PRKDC: variants seen among roughly 807,000 people sequenced by gnomAD.
The protein encoded by PRKDC is DNA-dependent protein kinase catalytic subunit.
PRKDC carries 82 observed loss-of-function variants against 486.9 expected under a neutral mutation model. That is an observed-to-expected ratio of 0.17 (90% CI 0.14 to 0.20). The LOEUF is 0.20. Ranked by LOEUF, PRKDC falls within the 10% of genes least tolerant of loss-of-function variation. The pLI is 1.00. For missense variants in PRKDC, 4,504 were observed against 5,038.2 expected (o/e 0.89, Z 3.21); for synonymous variants, 1,895 against 1,837.0 (o/e 1.03, Z -0.81).
At chr8:47,904,034 C>T (rs922402937) in intron 26 of PRKDC, among the ~76,000 whole-genome samples, 1 of 152,088 alleles carries the variant, frequency 6.6e-6, no homozygotes, top group Non-Finnish European at 1.5e-5. Flanking sequence ...GAGACATAAA[C>T]TTATTTGCAC....
At chr8:47,923,908 G>A (rs569359444) in intron 21 of PRKDC, among the ~76,000 whole-genome samples, 10 of 152,138 alleles carry the variant, frequency 6.6e-5, no homozygotes, top group Non-Finnish European at 1.3e-4. Context: ...TTGGACTTGT[G>A]TCCTACAAAT....
At chr8:47,804,965 T>C (rs1292659017) in intron 69 of PRKDC, 5 of 152,206 alleles carry the variant, frequency 3.3e-5, no homozygotes, top group African/African-American at 4.8e-5. Context: ...TTTCACCGTG[T>C]TGGTCAGGCT....
chr8:47,850,934 C>T (rs983669962), intron 52 of PRKDC, among the ~76,000 whole-genome samples: 4 of 152,128 alleles, frequency 2.6e-5, no homozygotes, highest in Non-Finnish European at 4.4e-5. Context: ...TTCAGCCTCC[C>T]GAGTAGCTGG....
chr8:47,885,617 G>A (rs2089309623), intron 36 of PRKDC, among the ~76,000 whole-genome samples: 1 of 152,108 alleles, frequency 6.6e-6, no homozygotes, highest in African/African-American at 2.4e-5. Context: ...TATTGACCGG[G>A]TGCAGTGGCT....
intron 76 of PRKDC, among the ~76,000 whole-genome samples, chr8:47,786,723 CTTT>C (rs5891257): frequency 4.5e-5 from 4 of 88,250 alleles, no homozygotes; most frequent in East Asian, 4.3e-4. Flanking sequence ...ATTATTTAAT[CTTT>C]TTTTTTTTTT....
At chr8:47,809,531 C>A (rs1359361212) in intron 68 of PRKDC, among the ~76,000 whole-genome samples, 4 of 152,096 alleles carry the variant, frequency 2.6e-5, no homozygotes, top group Non-Finnish European at 4.4e-5. Flanking sequence ...AGGGTGCATG[C>A]AATTTTAGGA....
chr8:47,836,445 G>A lies in PRKDC; in HGVS notation c.7844C>T (p.Thr2615Ile), dbSNP rs779706048. 6.2e-7 allele frequency: 1 copy of A among 1,612,838 alleles called. No homozygotes were observed. Residue 2615 changes from threonine (T) to isoleucine (I), a missense_variant, in exon 58 of 86, where the codon ACT becomes ATT. Thr to Ile is a moderately conservative substitution (Grantham distance 89). This residue lies in a region of PRKDC where 1,592 missense variants were observed against 1,724.6 expected (regional missense o/e 0.92). Coordinates refer to ENST00000314191, the MANE Select transcript of PRKDC (RefSeq NM_006904.7). ...CCCTTCCTGGGTACGGGTCTGGAGA[G>A]TGCCCTGGGAGGCCTGGGTCTCCAC... is the stretch of plus-strand genomic sequence containing the variant. ...MFVETQASQG[T>I]LQTRTQEGSL...
intron 43 of PRKDC, 114 bp from the exon 44 acceptor site, chr8:47,862,241 A>G: frequency 7.4e-7 from 1 of 1,343,022 alleles, no homozygotes; most frequent in South Asian, 1.4e-5. Flanking sequence ...CCAGCTTTAA[A>G]TATACCTATG....
At chr8:47,834,857 A>G (rs1490185873) in intron 58 of PRKDC, among the ~76,000 whole-genome samples, 1 of 151,488 alleles carries the variant, frequency 6.6e-6, no homozygotes, top group Non-Finnish European at 1.5e-5. Context: ...CGCCCGGCTA[A>G]TTTTTTGTAT....
At position 47,783,800 on chromosome 8, in the gene PRKDC, T is replaced by C. The variant is rs1342960458; in HGVS notation, c.11117A>G (p.Asp3706Gly). 6.2e-7 allele frequency: 1 copy of C among 1,613,754 alleles called. No homozygotes were observed. Among genetic ancestry groups the C allele is most frequent in the Non-Finnish European group, 8.5e-7 (1 of 1,179,862 alleles). ...CTCTGGCAATGGCTTTCCCCTACCGTCATACTGACCTAAAACAAACCAGAA... is the reference window on the plus strand; with the variant it reads ...CTCTGGCAATGGCTTTCCCCTACCGCCATACTGACCTAAAACAAACCAGAA... ...RNELEIPGQY[D>G]GRGKPLPEYH... Residue 3706 changes from aspartate (D) to glycine (G), a missense_variant, in exon 78 of 86, where the codon GAC becomes GGC. Physicochemically the swap from Asp to Gly is moderately conservative, Grantham distance 94 (BLOSUM62 -1). Transcript: ENST00000314191.
intron 40 of PRKDC, among the ~76,000 whole-genome samples, chr8:47,872,348 G>A (rs1417260893): frequency 6.6e-6 from 1 of 151,470 alleles, no homozygotes; most frequent in Non-Finnish European, 1.5e-5. Flanking sequence ...TTCACTAAAA[G>A]GAAGACAGGA....
Position 47,779,068 on chromosome 8 carries a change from A to G in PRKDC, c.11515T>C (p.Tyr3839His), listed in dbSNP as rs757352090. The G allele has an allele frequency of 4.4e-6, 7 of 1,599,786 alleles. No individual in the cohort carries two copies. The Admixed American group carries it at 1.2e-4, about 28-fold the overall frequency. The change falls in exon 81 of 86, where the codon TAT becomes CAT. Residue 3839 changes from tyrosine to histidine, a missense_variant. This residue lies in a region of PRKDC where 706 missense variants were observed against 945.0 expected (regional missense o/e 0.75). Transcript: ENST00000314191. ...LSDPRAPPCEYKDWLTKMSGK... is the reference protein window; with the variant it reads ...LSDPRAPPCEHKDWLTKMSGK... ...GACATTTTTGTCAGCCAATCTTTAT[A>G]TTCACACGGCGGTGCCCTGGGATCA...
chr8:47,908,133 C>A (rs895083804), intron 25 of PRKDC, among the ~76,000 whole-genome samples: 6 of 152,344 alleles, frequency 3.9e-5, no homozygotes, highest in Admixed American at 1.3e-4. Flanking sequence ...GTGCCTGTGT[C>A]GCCCCACCAA....
rs370378537 is a variant in PRKDC at position 47,836,295 on chromosome 8, T to A, written c.7951+43A>T. On this transcript the variant is annotated intron_variant, in intron 58 of 85. Coordinates refer to ENST00000314191, the MANE Select transcript of PRKDC (RefSeq NM_006904.7). ...TTGTGACAGAAGCTGCCCACAGAGG[T>A]CAGGGTGCTGTATACATGGCCAGCG... 3.2e-5 allele frequency: 47 copies of A among 1,458,650 alleles called. No homozygotes were observed. In the African/African-American group the frequency reaches 6.6e-4, roughly 21 times the overall value. The allele number at this position is 1,458,650 out of a possible 1,614,324, so 90.4% of individuals were successfully genotyped here.
At chr8:47,785,869 C>A (rs981504024) in intron 76 of PRKDC, among the ~76,000 whole-genome samples, 7 of 152,170 alleles carry the variant, frequency 4.6e-5, no homozygotes, top group Non-Finnish European at 1.0e-4. Flanking sequence ...CTTTGGGAGG[C>A]CGAGGCAGGT....
intron 13 of PRKDC, 140 bp downstream of exon 13, chr8:47,935,592 T>A (rs1563811890): frequency 4.0e-6 from 3 of 750,706 alleles, no homozygotes; most frequent in Non-Finnish European, 6.1e-6. Flanking sequence ...AAGGAAAAGA[T>A]TTTGGTCTAC....
At chr8:47,888,714 T>C (rs1424714947) in intron 33 of PRKDC, 64 bp from the exon 34 acceptor site, 14 of 1,472,368 alleles carry the variant, frequency 9.5e-6, no homozygotes, top group Non-Finnish European at 1.3e-5. Context: ...CAAGATACAC[T>C]GAAAAAAATG....
rs896779490 is a variant in PRKDC, at chr8:47,946,099, G to C, written c.722-2070C>G. Among the ~76,000 whole-genome samples the C allele has an allele frequency of 7.2e-4, 109 of 152,044 alleles. 1 individual carries two copies. The highest frequency in any genetic ancestry group is 2.2e-4 in the Non-Finnish European group (15 of 68,002). On this transcript the variant is annotated intron_variant, in intron 7 of 85. Coordinates refer to ENST00000314191, the MANE Select transcript of PRKDC (RefSeq NM_006904.7). ...AATCCCAGCACTTTGGGAGGCCAAG[G>C]TGGGCAGATCACCTGAGGTCAGGAG... is the stretch of plus-strand genomic sequence containing the variant.
chr8:47,937,400 T>G (rs1563812972), intron 11 of PRKDC, among the ~76,000 whole-genome samples: 1 of 152,190 alleles, frequency 6.6e-6, no homozygotes, highest in Non-Finnish European at 1.5e-5. Flanking sequence ...AGACAGTGGG[T>G]ACTGAGGACA....
Sources: gnomAD v4.1 joint callset for allele counts (sites outside exome capture counted in the v4.1 genomes callset) on GRCh38, gnomAD v4.1.1 for gene constraint, gnomAD v4.1.1 regional missense constraint, MANE v1.5 for transcripts, NCBI Gene and HGNC (gene_info 2026-07-23, HGNC 2026-07-21) for gene names.